FAM167A: variants seen among roughly 807,000 people sequenced by gnomAD.
The protein encoded by FAM167A is family with sequence similarity 167 member A, also known as protein FAM167A.
A neutral mutation model predicts 14.9 loss-of-function variants in FAM167A; 23 were observed. That is an observed-to-expected ratio of 1.55 (90% confidence interval 1.11 to 2.19). FAM167A has a LOEUF of 2.19. FAM167A is among the 30% of genes most tolerant of loss of function. FAM167A has a pLI of 0.00. For synonymous variants in FAM167A, 174 were observed against 117.7 expected (o/e 1.48, Z -3.10); for missense variants, 401 against 281.5 (o/e 1.42, Z -3.04).
At chr8:11,451,758 C>G (rs1336451155) in intron 1 of FAM167A, among the ~76,000 whole-genome samples, 1 of 152,160 alleles carries the variant, frequency 6.6e-6, no homozygotes, top group Non-Finnish European at 1.5e-5. Flanking sequence ...GTGAACCAAC[C>G]CTGGAGGCAA....
Position 11,464,402 on chromosome 8 carries a change from C to T in FAM167A, c.-398+2224G>A, listed in dbSNP as rs117267652. On this transcript the variant is annotated intron_variant, in intron 1 of 2. Transcript: ENST00000284486. ...TGCAGAGCCAGTGAGGCTCACCTGCCGCCCCTCCTAAACTCTTTTCCCACC... is the reference window on the plus strand; with the variant it reads ...TGCAGAGCCAGTGAGGCTCACCTGCTGCCCCTCCTAAACTCTTTTCCCACC... Among the ~76,000 whole-genome samples, 1,334 of 152,266 alleles carry T rather than the reference C, an allele frequency of 8.8e-3. 7 individuals are homozygous for T. Among genetic ancestry groups the T allele is most frequent in the Non-Finnish European group, 0.014 (970 of 68,010 alleles).
Position 11,424,410 on chromosome 8 carries a change from T to C in FAM167A, c.608A>G (p.Lys203Arg). ...GAACCTCCGAGAGTTGATGTTCATC[T>C]TGGTCACGCCAATAAGCTTGAGTGG... Reference protein sequence around the residue: ...STPLKLIGVTKMNINSRRFSL... With the variant: ...STPLKLIGVTRMNINSRRFSL... Residue 203 changes from lysine (K) to arginine (R), a missense_variant, in exon 3 of 3, where the codon AAG becomes AGG. By Grantham distance (26) the Lys-to-Arg change is conservative (BLOSUM62 2). Transcript: ENST00000284486. The C allele has an allele frequency of 1.9e-6, 3 of 1,614,004 alleles. No individual in the cohort carries two copies. Among genetic ancestry groups the C allele is most frequent in the Non-Finnish European group, 1.7e-6 (2 of 1,179,978 alleles).
intron 1 of FAM167A, among the ~76,000 whole-genome samples, chr8:11,458,619 A>C (rs1230595777): frequency 6.6e-6 from 1 of 152,078 alleles, no homozygotes; most frequent in African/African-American, 2.4e-5. Context: ...GCCACAAAAG[A>C]CCAATCAGAA....
At chr8:11,434,875 G>A (rs754446302) in intron 2 of FAM167A, 6 of 372,580 alleles carry the variant, frequency 1.6e-5, no homozygotes, top group African/African-American at 4.2e-5. Flanking sequence ...TACACCCAAG[G>A]AAGACATTCT....
upstream of FAM167A, among the ~76,000 whole-genome samples, chr8:11,468,343 T>C (rs1807852107): frequency 6.6e-6 from 1 of 152,204 alleles, no homozygotes; most frequent in South Asian, 2.1e-4. Context: ...TCCAGTCCCA[T>C]TGTGCACCTG....
At chr8:11,429,934 G>C (rs952349005) in intron 2 of FAM167A, among the ~76,000 whole-genome samples, 1 of 152,186 alleles carries the variant, frequency 6.6e-6, no homozygotes, top group Non-Finnish European at 1.5e-5. Flanking sequence ...GAACTACGCT[G>C]GCCAAATCAA....
intron 1 of FAM167A, among the ~76,000 whole-genome samples, chr8:11,460,991 G>C (rs1446909391): frequency 6.6e-6 from 1 of 152,270 alleles, no homozygotes; most frequent in Non-Finnish European, 1.5e-5. Context: ...CCTGCAGGAA[G>C]GCTGGGAGCG....
Position 11,422,375 on chromosome 8 carries a change from TGTGTGTGTG to T in FAM167A, c.*1989_*1997del, listed in dbSNP as rs1804808609. ...TCTGTCGTGTGTGTGTGTGTGGGGG[TGTGTGTGTG>T]TGTGTGTGTGTGTGTGTGTGTAGGT... is the stretch of plus-strand genomic sequence containing the variant. On this transcript the variant is annotated 3_prime_UTR_variant, in exon 3 of 3. Transcript: ENST00000284486. 1 of 56,398 alleles carries T rather than the reference TGTGTGTGTG, an allele frequency of 1.8e-5. No individual in the cohort carries two copies. The highest frequency in any genetic ancestry group is 3.4e-5 in the Non-Finnish European group (1 of 29,458). The allele number at this position is 56,398 out of a possible 1,614,324, so 3.5% of individuals were successfully genotyped here.
chr8:11,474,001 G>A (rs1797791252), intron 1 of FAM167A, among the ~76,000 whole-genome samples: 2 of 152,102 alleles, frequency 1.3e-5, no homozygotes. Flanking sequence ...AGCATCCTGA[G>A]TAGCTGGGAT....
chr8:11,432,656 G>C (rs531493612), intron 2 of FAM167A, among the ~76,000 whole-genome samples: 8 of 152,192 alleles, frequency 5.3e-5, no homozygotes, highest in Non-Finnish European at 1.2e-4. Context: ...ACAGTATGGC[G>C]ATTCCTCAAG....
chr8:11,438,768 A>G (rs948049431), intron 2 of FAM167A: 1 of 344,576 alleles, frequency 2.9e-6, no homozygotes, highest in African/African-American at 2.2e-5. Context: ...GGTGCCAGAC[A>G]GGCTGAAAGC....
Position 11,423,408 on chromosome 8 carries a change from G to A in FAM167A, c.*965C>T, listed in dbSNP as rs557961512. ...ATCAGTAACAGTCTTATTAAAACTAGTTGTTTAGGTCAGGCACAAAATCTC... is the reference window on the plus strand; with the variant it reads ...ATCAGTAACAGTCTTATTAAAACTAATTGTTTAGGTCAGGCACAAAATCTC... On this transcript the variant is annotated 3_prime_UTR_variant, in exon 3 of 3. Transcript: ENST00000284486. The A allele has an allele frequency of 6.5e-6, 1 of 152,758 alleles. No individual in the cohort carries two copies. Among genetic ancestry groups the A allele is most frequent in the South Asian group, 2.1e-4 (1 of 4,830 alleles). 9.5% of individuals were successfully genotyped at this position (152,758 alleles called of 1,614,324 possible). A position where few individuals can be genotyped will look rare whatever the true frequency, so the allele number is the denominator to read the frequency against.
chr8:11,435,722 G>A (rs917311984), intron 2 of FAM167A, among the ~76,000 whole-genome samples: 12 of 152,152 alleles, frequency 7.9e-5, no homozygotes, highest in Non-Finnish European at 1.5e-4. Flanking sequence ...GCCACCCTGG[G>A]CAAGTCACCC....
intron 1 of FAM167A, among the ~76,000 whole-genome samples, chr8:11,445,732 A>G (rs1806747044): frequency 1.3e-5 from 2 of 152,110 alleles, no homozygotes; most frequent in South Asian, 4.1e-4. Context: ...TCCGAGGTCC[A>G]TGGGGTGGGC....
chr8:11,436,948 C>A (rs988988286), intron 2 of FAM167A, among the ~76,000 whole-genome samples: 3 of 152,206 alleles, frequency 2.0e-5, no homozygotes, highest in African/African-American at 7.2e-5. Context: ...GGCTCCCAGG[C>A]ACCTGCAGTT....
In FAM167A at chr8:11,421,790, T is replaced by C. The variant is rs979498786; in HGVS notation, c.*2583A>G. On this transcript the variant is annotated 3_prime_UTR_variant, in exon 3 of 3. Coordinates refer to ENST00000284486, the MANE Select transcript of FAM167A (RefSeq NM_053279.3). ...GGATGGCAGAGAGATGGATGGATAA[T>C]GAGTACAACTGCAAACAGCACTGTA... is the stretch of plus-strand genomic sequence containing the variant. 8 of 398,760 alleles carry C rather than the reference T, an allele frequency of 2.0e-5. No homozygotes were observed. Among genetic ancestry groups the C allele is most frequent in the African/African-American group, 1.6e-4 (8 of 48,628 alleles). The allele number at this position is 398,760 out of a possible 1,614,324, so 24.7% of individuals were successfully genotyped here.
rs189354829 is a variant in FAM167A, at chr8:11,455,373, T to G, written c.-397-10565A>C. Among the ~76,000 whole-genome samples, 3 of 107,206 alleles carry G rather than the reference T, an allele frequency of 2.8e-5. No individual in the cohort carries two copies. In the East Asian group the frequency reaches 1.0e-3, roughly 36 times the overall value. The allele number at this position is 107,206 out of a possible 152,430, so 70.3% of individuals were successfully genotyped here. ...GAGTGTGAGGAGTGTGAGTGTGGGA[T>G]GGTTGCCTTGCGTGAGTGTGATTGT... is the stretch of plus-strand genomic sequence containing the variant. On this transcript the variant is annotated intron_variant, in intron 1 of 2. Transcript: ENST00000284486.
At chr8:11,434,856 T>C (rs146820615) in intron 2 of FAM167A, 17 of 356,654 alleles carry the variant, frequency 4.8e-5, no homozygotes, top group East Asian at 4.5e-4. Flanking sequence ...GAGGAGGTTC[T>C]GGAAGCTGTA....
At chr8:11,474,395 G>C (rs144403880) in intron 1 of FAM167A, among the ~76,000 whole-genome samples, 105 of 152,290 alleles carry the variant, frequency 6.9e-4, no homozygotes, top group African/African-American at 2.5e-3. Flanking sequence ...ACGGCGCATG[G>C]AACAGACAAA....
Sources: gnomAD v4.1 joint callset for allele counts (sites outside exome capture counted in the v4.1 genomes callset) on GRCh38, gnomAD v4.1.1 for gene constraint, MANE v1.5 for transcripts, NCBI Gene and HGNC (gene_info 2026-07-23, HGNC 2026-07-21) for gene names.